The following ANO3 variants were observed in gnomAD, a reference collection of about 807,000 sequenced individuals.
ANO3 encodes the protein anoctamin-3.
A neutral mutation model predicts 144.8 loss-of-function variants in ANO3; 99 were observed. That is an observed-to-expected ratio of 0.68 (90% CI 0.58 to 0.81). ANO3 has a LOEUF of 0.81. ANO3 is among the 30% of genes least tolerant of loss of function. ANO3 has a pLI of 0.00. For missense variants in ANO3, 905 were observed against 1,202.2 expected (o/e 0.75, Z 3.66); for synonymous variants, 414 against 392.6 (o/e 1.05, Z -0.64).
At chr11:26,475,406 T>C (rs762300767) in intron 4 of ANO3, among the ~76,000 whole-genome samples, 4 of 152,110 alleles carry the variant, frequency 2.6e-5, no homozygotes, top group Non-Finnish European at 4.4e-5. Context: ...ACATTGCTCA[T>C]TGAGCCAGAT....
intron 1 of ANO3, among the ~76,000 whole-genome samples, chr11:26,431,176 T>C (rs1858075659): frequency 1.3e-5 from 2 of 152,238 alleles, no homozygotes; most frequent in South Asian, 4.1e-4. Context: ...GACTGATTGT[T>C]ATTGTACTGG....
At position 26,340,163 on chromosome 11, in the gene ANO3, A is replaced by C. The variant is rs1053491688; in HGVS notation, c.46+7842A>C. 1.4e-4 allele frequency among the ~76,000 whole-genome samples: 21 copies of C among 151,204 alleles called. No homozygotes were observed. In the South Asian group the frequency reaches 2.5e-3, roughly 18 times the overall value. ...AGGCTGACCAAAGGCATTTCCTAAAAATAACTCCTAAAGTTGTGTATTTTG... is the reference window on the plus strand; with the variant it reads ...AGGCTGACCAAAGGCATTTCCTAAACATAACTCCTAAAGTTGTGTATTTTG... On this transcript the variant is annotated intron_variant, in intron 1 of 26. Coordinates refer to ENST00000256737, the MANE Select transcript of ANO3 (RefSeq NM_031418.4).
intron 1 of ANO3, among the ~76,000 whole-genome samples, chr11:26,224,270 TACAA>T (rs1852211220): frequency 1.3e-5 from 2 of 152,214 alleles, no homozygotes; most frequent in Non-Finnish European, 2.9e-5. Context: ...ACAGGCCCCG[TACAA>T]TAGGTCACAG....
At chr11:26,223,863 GAA>G (rs1852202035) in intron 1 of ANO3, among the ~76,000 whole-genome samples, 2 of 152,128 alleles carry the variant, frequency 1.3e-5, no homozygotes, top group East Asian at 3.9e-4. Flanking sequence ...GGTAGAGAGA[GAA>G]GTCACTCATT....
Position 26,647,873 on chromosome 11 carries a change from A to C in ANO3, c.2576+17A>C, listed in dbSNP as rs201536359. On this transcript the variant is annotated intron_variant, in intron 24 of 26. Transcript: ENST00000256737. ...AAGTGAAAAGTAAGGTTTAAATTTA[A>C]ACATTTTCCTGATATGTTTTACATT... 2.5e-6 allele frequency: 4 copies of C among 1,597,524 alleles called. No individual in the cohort carries two copies. Among genetic ancestry groups the C allele is most frequent in the Middle Eastern group, 1.7e-4 (1 of 5,994 alleles).
chr11:26,326,145 AT>A (rs1317558732), intron 1 of ANO3, among the ~76,000 whole-genome samples: 1 of 152,138 alleles, frequency 6.6e-6, no homozygotes, highest in Admixed American at 6.6e-5. Context: ...CATAGTTATC[AT>A]TTTTCCCTTT....
At chr11:26,624,533 G>T (rs764916282) in intron 18 of ANO3, 35 bp downstream of exon 18, 2 of 1,498,886 alleles carry the variant, frequency 1.3e-6, no homozygotes, top group Non-Finnish European at 1.9e-6. Context: ...TCCTTAGTCA[G>T]AAAATAACAT....
At chr11:26,392,314 A>T (rs1300711026) in intron 1 of ANO3, among the ~76,000 whole-genome samples, 2 of 149,994 alleles carry the variant, frequency 1.3e-5, no homozygotes, top group African/African-American at 4.9e-5. Flanking sequence ...ACATTTTTAC[A>T]CTGTATTTAG....
Position 26,441,919 on chromosome 11 carries a change from T to C in ANO3, c.48T>C (p.Gly16=). The change falls in exon 2 of 27, where the codon GGT becomes GGC. Residue 16 remains glycine, a splice_region_variant and synonymous_variant. Transcript: ENST00000256737. The part of the protein sequence containing the change: ...GSIQSFKQQK[G]MNISKSEITK... ...AAACTCAACATTTTGGATTTGCAGG[T>C]ATGAATATAAGCAAGAGTGAGATAA... The C allele has an allele frequency of 1.2e-6, 2 of 1,610,106 alleles. No individual in the cohort carries two copies. Among genetic ancestry groups the C allele is most frequent in the South Asian group, 1.1e-5 (1 of 90,214 alleles).
chr11:26,594,806 A>G (rs754948019), intron 14 of ANO3, among the ~76,000 whole-genome samples: 1 of 152,198 alleles, frequency 6.6e-6, no homozygotes, highest in Non-Finnish European at 1.5e-5. Flanking sequence ...GAAAGTTTGC[A>G]CATATGGCAC....
rs371953331 is a variant in ANO3, at chr11:26,381,384, G to C, written c.46+49063G>C. Among the ~76,000 whole-genome samples, 51 of 152,232 alleles carry C rather than the reference G, an allele frequency of 3.4e-4. 1 individual carries two copies. The South Asian group carries it at 8.9e-3, about 27-fold the overall frequency. ...CCCTTTCCTAGAATGTTCTCCAGGA[G>C]CCAGCTACTCATCATCAGTTAGGCC... On this transcript the variant is annotated intron_variant, in intron 1 of 26. Coordinates refer to ENST00000256737, the MANE Select transcript of ANO3 (RefSeq NM_031418.4).
chr11:26,260,463 G>A (rs1278658405), intron 1 of ANO3, among the ~76,000 whole-genome samples: 5 of 152,102 alleles, frequency 3.3e-5, no homozygotes, highest in Non-Finnish European at 7.4e-5. Flanking sequence ...TGCCAAAGTA[G>A]TACATGAGAA....
intron 1 of ANO3, among the ~76,000 whole-genome samples, chr11:26,196,941 C>T (rs1467637592): frequency 1.3e-5 from 2 of 152,110 alleles, no homozygotes; most frequent in Non-Finnish European, 2.9e-5. Flanking sequence ...TAAAACATAG[C>T]CCCTGATTTT....
intron 4 of ANO3, among the ~76,000 whole-genome samples, chr11:26,472,244 T>C (rs1385178180): frequency 1.3e-5 from 2 of 151,934 alleles, no homozygotes; most frequent in African/African-American, 4.8e-5. Context: ...CCTTAATCTG[T>C]CACCTCCAAG....
upstream of ANO3, among the ~76,000 whole-genome samples, chr11:26,330,466 C>T (rs1475015443): frequency 1.3e-5 from 2 of 152,114 alleles, no homozygotes; most frequent in African/African-American, 2.4e-5. Flanking sequence ...ATACTGAGCT[C>T]TTATTGAATG....
intron 5 of ANO3, among the ~76,000 whole-genome samples, chr11:26,511,632 G>T (rs1861670001): frequency 6.6e-6 from 1 of 152,196 alleles, no homozygotes; most frequent in Non-Finnish European, 1.5e-5. Context: ...TAAATGGCTT[G>T]CAACAAGGGC....
chr11:26,561,259 T>C (rs1307572763), intron 14 of ANO3: 6 of 1,504,140 alleles, frequency 4.0e-6, no homozygotes, highest in Non-Finnish European at 5.4e-6. Flanking sequence ...TGTTTCACAG[T>C]GATACTCTGA....
intron 17 of ANO3, among the ~76,000 whole-genome samples, chr11:26,607,340 T>A (rs1851965159): frequency 1.3e-5 from 2 of 152,198 alleles, no homozygotes; most frequent in Admixed American, 1.3e-4. Flanking sequence ...GTTCTCTGTA[T>A]TTCCTGAATT....
chr11:26,258,042 A>G (rs1853100046), intron 1 of ANO3, among the ~76,000 whole-genome samples: 1 of 152,156 alleles, frequency 6.6e-6, no homozygotes, highest in African/African-American at 2.4e-5. Context: ...AGTGTCTTCA[A>G]TAAAAGAGTA....
Sources: gnomAD v4.1 joint callset for allele counts (sites outside exome capture counted in the v4.1 genomes callset) on GRCh38, gnomAD v4.1.1 for gene constraint, MANE v1.5 for transcripts, NCBI Gene and HGNC (gene_info 2026-07-23, HGNC 2026-07-21) for gene names.